The following DMTN variants were observed in gnomAD, a reference collection of about 807,000 sequenced individuals.
DMTN encodes dematin.
A neutral mutation model predicts 59.4 loss-of-function variants in DMTN; 27 were observed. The observed-to-expected ratio is 0.45, with a 90% CI of 0.33 to 0.63. The LOEUF (loss-of-function observed/expected upper bound fraction) is 0.63. Among genes scored for constraint, DMTN ranks in the 20% least tolerant of loss-of-function variants. The probability of loss-of-function intolerance (pLI) is 0.02; values close to 1 mark genes in which losing one functional copy is unlikely to be tolerated. For missense variants in DMTN, 451 were observed against 528.9 expected (o/e 0.85, Z 1.45); for synonymous variants, 221 against 203.7 (o/e 1.08, Z -0.72).
intron 1 of DMTN, among the ~76,000 whole-genome samples, chr8:22,065,879 C>T (rs1209370993): frequency 7.5e-6 from 1 of 133,444 alleles, no homozygotes; most frequent in Non-Finnish European, 1.6e-5. Context: ...CTTACTCTGT[C>T]ACCCAGGCTG....
Position 22,082,161 on chromosome 8 carries a change from G to A in DMTN, c.*698G>A. ...AATGGGAATTCCAGCACTAAGCCAG[G>A]CACCGGGCAGAAGCTGGGCCTTCCG... On this transcript the variant is annotated 3_prime_UTR_variant, in exon 16 of 16. Coordinates refer to ENST00000358242, the MANE Select transcript of DMTN (RefSeq NM_001387751.1). 1 of 456,782 alleles carries A rather than the reference G, an allele frequency of 2.2e-6. No homozygotes were observed. Among genetic ancestry groups the A allele is most frequent in the Non-Finnish European group, 4.4e-6 (1 of 226,956 alleles). 28.3% of individuals were successfully genotyped at this position (456,782 alleles called of 1,614,324 possible). A position where few individuals can be genotyped will look rare whatever the true frequency, so the allele number is the denominator to read the frequency against.
At chr8:22,052,216 T>G (rs1459379202), upstream of DMTN, among the ~76,000 whole-genome samples, 1 of 152,248 alleles carries the variant, frequency 6.6e-6, no homozygotes, top group African/African-American at 2.4e-5. Flanking sequence ...TCCAGAACTG[T>G]CATGATGTAT....
Position 22,066,751 on chromosome 8 carries a change from A to G in DMTN, c.-125A>G, listed in dbSNP as rs1284559569. On this transcript the variant is annotated 5_prime_UTR_variant, in exon 2 of 16. Coordinates refer to ENST00000358242, the MANE Select transcript of DMTN (RefSeq NM_001387751.1). Reference sequence around the variant, plus strand: ...GATGAGGACGCGCCAGCCCGGGGGAACGCGCCAGCTGCTTTCGCGGCCCCA... The same window carrying G: ...GATGAGGACGCGCCAGCCCGGGGGAGCGCGCCAGCTGCTTTCGCGGCCCCA... The G allele has an allele frequency of 6.4e-6, 7 of 1,096,528 alleles. No homozygotes were observed. The highest frequency in any genetic ancestry group is 8.3e-6 in the Non-Finnish European group (7 of 839,342). The allele number at this position is 1,096,528 out of a possible 1,614,324, so 67.9% of individuals were successfully genotyped here. A position where few individuals can be genotyped will look rare whatever the true frequency, so the allele number is the denominator to read the frequency against.
chr8:22,070,447 C>T (rs540959120), intron 8 of DMTN, 113 bp downstream of exon 8: 723 of 1,342,906 alleles, frequency 5.4e-4, no homozygotes, highest in Non-Finnish European at 6.3e-4. Context: ...ATGGTGTCCT[C>T]GTGGGCTTTT....
chr8:22,054,189 C>A (rs151033974), upstream of DMTN, among the ~76,000 whole-genome samples: 1 of 152,088 alleles, frequency 6.6e-6, no homozygotes, highest in Non-Finnish European at 1.5e-5. Flanking sequence ...CTCCTCAGGT[C>A]GACAGAGGGA....
At chr8:22,064,603 C>T (rs1241971034) in intron 1 of DMTN, among the ~76,000 whole-genome samples, 7 of 152,228 alleles carry the variant, frequency 4.6e-5, no homozygotes, top group Non-Finnish European at 5.9e-5. Flanking sequence ...GGACTACAGG[C>T]GCCCGCCACC....
chr8:22,056,742 C>G (rs1265154042), upstream of DMTN, among the ~76,000 whole-genome samples: 1 of 152,212 alleles, frequency 6.6e-6, no homozygotes, highest in Non-Finnish European at 1.5e-5. Context: ...CAGCCACACG[C>G]TATCAGCTGG....
At chr8:22,072,631 ATTT>A (rs61068593) in intron 9 of DMTN, among the ~76,000 whole-genome samples, 181 bp downstream of exon 9, 3 of 130,798 alleles carry the variant, frequency 2.3e-5, no homozygotes, top group East Asian at 2.2e-4. Context: ...CGCCCAGCTA[ATTT>A]TTTTTTTTTT....
intron 1 of DMTN, chr8:22,059,363 T>C (rs1261562955): frequency 1.3e-5 from 2 of 152,286 alleles, no homozygotes; most frequent in African/African-American, 4.8e-5. Context: ...TCACTTACTG[T>C]CTGCACCAGC....
intron 10 of DMTN, among the ~76,000 whole-genome samples, chr8:22,079,141 G>A (rs1200050140): frequency 1.3e-5 from 2 of 150,952 alleles, no homozygotes; most frequent in East Asian, 1.9e-4. Context: ...CAAGCATAGT[G>A]GCTCACACCT....
At chr8:22,074,347 C>A (rs142090403) in intron 10 of DMTN, among the ~76,000 whole-genome samples, 381 of 152,332 alleles carry the variant, frequency 2.5e-3, no homozygotes, top group African/African-American at 8.9e-3. Context: ...ACTCTCAGCT[C>A]ACTGCAAACT....
chr8:22,049,669 C>A (rs1801144615), upstream of DMTN, among the ~76,000 whole-genome samples: 1 of 151,594 alleles, frequency 6.6e-6, no homozygotes, highest in Admixed American at 6.6e-5. Context: ...GTTTCCCCTA[C>A]CCTCACGGAG....
At chr8:22,062,317 C>T (rs1308631198) in intron 1 of DMTN, among the ~76,000 whole-genome samples, 20 of 152,082 alleles carry the variant, frequency 1.3e-4, no homozygotes, top group Admixed American at 9.8e-4. Flanking sequence ...AGGCTGGTGT[C>T]GAATTCCTGG....
At chr8:22,059,291 C>A (rs905565297) in intron 1 of DMTN, 1 of 152,248 alleles carries the variant, frequency 6.6e-6, no homozygotes, top group African/African-American at 2.4e-5. Context: ...GAAGGCGAAG[C>A]GGGGCAAAGT....
rs1177031213 is a variant in DMTN, at chr8:22,081,428, C to T, written c.1183C>T (p.Arg395Trp). The change falls in exon 16 of 16, where the codon CGG (arginine) becomes TGG (tryptophan). Residue 395 changes from arginine to tryptophan, a missense_variant. Physicochemically the swap from Arg to Trp is moderately radical, Grantham distance 101 (BLOSUM62 -3). Transcript: ENST00000358242. ...GTTTGGCAAGCTGGCTCTGTGGAAG[C>T]GGAATGAGCTCAAGAAGAAGGCCTC... ...EEFGKLALWK[R>W]NELKKKASLF The T allele has an allele frequency of 1.9e-6, 3 of 1,613,956 alleles. No individual in the cohort carries two copies. Among genetic ancestry groups the T allele is most frequent in the Non-Finnish European group, 2.5e-6 (3 of 1,179,984 alleles).
rs752574575 is a variant in DMTN at position 22,069,452 on chromosome 8, T to G, written c.328T>G (p.Ser110Ala). Residue 110 changes from serine to alanine, a missense_variant, in exon 6 of 16, where the codon TCT becomes GCT. Physicochemically the swap from Ser to Ala is moderately conservative, Grantham distance 99. Transcript: ENST00000358242. ...GGACAGCCGGTCGCCTGGAATCATC[T>G]CTCAGGCCTCGGCCCCCAGAACCAC... Reference protein sequence around the residue: ...WADSRSPGIISQASAPRTTGT... With the variant: ...WADSRSPGIIAQASAPRTTGT... The G allele has an allele frequency of 6.2e-7, 1 of 1,613,026 alleles. No homozygotes were observed. Among genetic ancestry groups the G allele is most frequent in the Non-Finnish European group, 8.5e-7 (1 of 1,179,520 alleles).
At chr8:22,080,110 G>A in intron 10 of DMTN, 70 bp from the exon 11 acceptor site, 2 of 1,575,544 alleles carry the variant, frequency 1.3e-6, no homozygotes, top group Non-Finnish European at 1.7e-6. Flanking sequence ...GAAGGCCAGT[G>A]AGGTTGCTGT....
chr8:22,063,487 C>G (rs1338387844), intron 1 of DMTN, among the ~76,000 whole-genome samples: 2 of 152,204 alleles, frequency 1.3e-5, no homozygotes, highest in African/African-American at 4.8e-5. Context: ...CTGTTGCCAA[C>G]AGATTACGAC....
chr8:22,073,147 G>T (rs1817029459), intron 9 of DMTN, among the ~76,000 whole-genome samples: 1 of 152,156 alleles, frequency 6.6e-6, no homozygotes, highest in Non-Finnish European at 1.5e-5. Context: ...GGACAGGGAG[G>T]CCGCCGTGGT....
Sources: allele counts gnomAD v4.1 joint callset (sites outside exome capture counted in the v4.1 genomes callset), GRCh38; gene constraint gnomAD v4.1.1; transcripts MANE v1.5; gene names NCBI Gene and HGNC (gene_info 2026-07-23, HGNC 2026-07-21).